The following ABCC8 variants were observed in gnomAD, a reference collection of about 807,000 sequenced individuals.
ABCC8 encodes ATP-binding cassette sub-family C member 8.
Under a neutral mutation model 188.0 loss-of-function variants are expected in ABCC8, and 137 were observed. The ratio of observed to expected loss-of-function variants is 0.73; its 90% CI spans 0.63 to 0.84. The LOEUF (loss-of-function observed/expected upper bound fraction) is 0.84, where lower values mean the gene tolerates loss of function less well. ABCC8 is among the 40% of genes least tolerant of loss of function. ABCC8 has a pLI of 0.00. For missense variants in ABCC8, 1,750 were observed against 2,072.7 expected, an observed-to-expected ratio of 0.84 and a Z score of 3.02; for synonymous variants, 797 against 846.5, an observed-to-expected ratio of 0.94 and a Z score of 1.01.
intron 8 of ABCC8, 98 bp from the exon 9 acceptor site, chr11:17,443,410 A>G: frequency 1.3e-6 from 2 of 1,596,808 alleles, no homozygotes; most frequent in Non-Finnish European, 1.7e-6. Flanking sequence ...CTAGAGTGGG[A>G]CAAGCCTTGG....
In ABCC8 at chr11:17,463,524, A is replaced by G; in HGVS notation, c.493T>C (p.Ser165Pro). The G allele has an allele frequency of 6.3e-7, 1 of 1,599,880 alleles. No individual in the cohort carries two copies. ...CCTGTGAGGCAGAAGCGTAGCTGCG[A>G]GAAGCCGATGGCGTGGTCCAAGAAC... Reference protein sequence around the residue: ...VKFLDHAIGFSQLRFCLTGLL... With the variant: ...VKFLDHAIGFPQLRFCLTGLL... The change falls in exon 4 of 39, where the codon TCG becomes CCG. Residue 165 changes from serine to proline, a missense_variant. Physicochemically the swap from Ser to Pro is moderately conservative, Grantham distance 74. Coordinates refer to ENST00000389817, the MANE Select transcript of ABCC8 (RefSeq NM_000352.6).
intron 1 of ABCC8, among the ~76,000 whole-genome samples, chr11:17,475,413 G>GT (rs957987799): frequency 1.3e-5 from 2 of 152,130 alleles, no homozygotes; most frequent in African/African-American, 4.8e-5. Flanking sequence ...AAGGGCGGGG[G>GT]GGGTCTCACT....
At chr11:17,429,059 C>A in intron 12 of ABCC8, 1 of 272,312 alleles carries the variant, frequency 3.7e-6, no homozygotes. Flanking sequence ...AAATGCCAGA[C>A]ACTGTGTTAA....
rs774571511 is a variant in ABCC8 at position 17,406,604 on chromosome 11, G to A, written c.3329+18C>T. 1 of 1,609,338 alleles carries A rather than the reference G, an allele frequency of 6.2e-7. No individual in the cohort carries two copies. Among genetic ancestry groups the A allele is most frequent in the South Asian group, 1.1e-5 (1 of 90,756 alleles). ...GTGACTTGCTCACAGTCCCAGCCTG[G>A]CCAGGGGAGACGGGTACCTCATGGG... On this transcript the variant is annotated intron_variant, in intron 26 of 38. Transcript: ENST00000389817.
intron 3 of ABCC8, among the ~76,000 whole-genome samples, chr11:17,468,416 C>T (rs1848287895): frequency 6.6e-6 from 1 of 152,148 alleles, no homozygotes; most frequent in Non-Finnish European, 1.5e-5. Flanking sequence ...CAGGCTGAAC[C>T]CCAACACAGA....
intron 24 of ABCC8, 66 bp from the exon 25 acceptor site, chr11:17,407,195 T>C: frequency 1.2e-6 from 2 of 1,600,602 alleles, no homozygotes; most frequent in Non-Finnish European, 1.7e-6. Context: ...AATCAGGGCA[T>C]TTTATCCCCA....
At position 17,443,382 on chromosome 11, in the gene ABCC8, C is replaced by T. The variant is rs867781158; in HGVS notation, c.1333-70G>A. The T allele has an allele frequency of 3.1e-6, 5 of 1,610,482 alleles. No individual in the cohort carries two copies. In the East Asian group the frequency reaches 8.9e-5, roughly 29 times the overall value. ...CCCTGCCAGGAGGTGCTGGCAAAAT[C>T]CCTGTTTCCCCAGTCCCCTAGAGTG... On this transcript the variant is annotated intron_variant, in intron 8 of 38. Transcript: ENST00000389817.
At chr11:17,394,119 C>G (rs180817459) in intron 37 of ABCC8, 147 bp downstream of exon 37, 10 of 1,082,104 alleles carry the variant, frequency 9.2e-6, no homozygotes, top group East Asian at 7.2e-5. Context: ...GAGTCAGGGT[C>G]CCCCCAGCTC....
rs777093516 is a variant in ABCC8 at position 17,476,613 on chromosome 11, C to T, written c.148+16G>A. 12 of 1,609,218 alleles carry T rather than the reference C, an allele frequency of 7.5e-6. No homozygotes were observed. The highest frequency in any genetic ancestry group is 5.0e-5 in the Admixed American group (3 of 59,700). The stretch of plus-strand genomic sequence containing the variant: ...CTCTCCCGTCCCCTCCTCCGCGGCT[C>T]GCTGCGCGCACTCACCAATGAAGAG... On this transcript the variant is annotated intron_variant, in intron 1 of 38. Coordinates refer to ENST00000389817, the MANE Select transcript of ABCC8 (RefSeq NM_000352.6).
chr11:17,403,155 AG>A (rs1015847455), intron 28 of ABCC8, among the ~76,000 whole-genome samples: 2 of 152,094 alleles, frequency 1.3e-5, no homozygotes, highest in African/African-American at 4.8e-5. Context: ...CCAAACTCAA[AG>A]CGTTCAACCC....
chr11:17,398,469 G>C, intron 29 of ABCC8, 28 bp from the exon 30 acceptor site: 12 of 1,613,416 alleles, frequency 7.4e-6, no homozygotes, highest in Non-Finnish European at 1.0e-5. Context: ...AGCTCCTAAG[G>C]GAACAGTGTT....
In ABCC8 at chr11:17,404,824, T is replaced by TA; in HGVS notation, c.3400-156dup. 1 of 723,780 alleles carries TA rather than the reference T, an allele frequency of 1.4e-6. No homozygotes were observed. The highest frequency in any genetic ancestry group is 1.7e-6 in the Non-Finnish European group (1 of 591,298). The allele number at this position is 723,780 out of a possible 1,614,324, so 44.8% of individuals were successfully genotyped here. A position where few individuals can be genotyped will look rare whatever the true frequency, so the allele number is the denominator to read the frequency against. ...TTGCCCAGACTTGAGTGCAGCAGCG[T>TA]AATCTCGGTTCACGGCAGCCTCTGC... On this transcript the variant is annotated intron_variant, in intron 27 of 38. Coordinates refer to ENST00000389817, the MANE Select transcript of ABCC8 (RefSeq NM_000352.6). The surrounding 1 kb of genome is among the most constrained non-coding windows in gnomAD (Gnocchi z 4.7).
intron 23 of ABCC8, 94 bp downstream of exon 23, chr11:17,408,298 G>A (rs955440183): frequency 7.2e-6 from 9 of 1,246,018 alleles, no homozygotes; most frequent in South Asian, 2.5e-5. Flanking sequence ...GGGCTTCCTG[G>A]GGCACTAAGG....
intron 3 of ABCC8, among the ~76,000 whole-genome samples, chr11:17,464,747 A>T (rs753900220): frequency 2.0e-5 from 3 of 152,160 alleles, no homozygotes; most frequent in Admixed American, 6.5e-5. Context: ...CCAACAACCA[A>T]AACCAGCAAT....
chr11:17,422,010 C>T (rs755141734), intron 16 of ABCC8, among the ~76,000 whole-genome samples: 10 of 152,338 alleles, frequency 6.6e-5, no homozygotes, highest in Non-Finnish European at 4.4e-5. Flanking sequence ...TGGCTGCAGG[C>T]GTGCAGACTT....
intron 17 of ABCC8, among the ~76,000 whole-genome samples, chr11:17,415,893 T>G (rs1207120497): frequency 6.6e-6 from 1 of 152,086 alleles, no homozygotes; most frequent in African/African-American, 2.4e-5. Flanking sequence ...CCACGGAATG[T>G]GGGGGATCTG....
intron 12 of ABCC8, chr11:17,430,300 G>C (rs1306337458): frequency 4.9e-6 from 1 of 205,772 alleles, no homozygotes; most frequent in African/African-American, 2.3e-5. Context: ...TCCAAGAGCT[G>C]TGGGCCAATC....
chr11:17,445,846 G>A (rs1956504068), intron 8 of ABCC8, among the ~76,000 whole-genome samples: 1 of 152,220 alleles, frequency 6.6e-6, no homozygotes, highest in Non-Finnish European at 1.5e-5. Flanking sequence ...GACAGGGCCA[G>A]GCATAGGGCA....
At chr11:17,413,326 T>C in intron 20 of ABCC8, 68 bp downstream of exon 20, 1 of 1,584,474 alleles carries the variant, frequency 6.3e-7, no homozygotes, top group South Asian at 1.1e-5. Context: ...TTGTCCTGAG[T>C]AGTGTCTCAG....
Sources: allele counts gnomAD v4.1 joint callset (sites outside exome capture counted in the v4.1 genomes callset), GRCh38; gene constraint gnomAD v4.1.1; non-coding constraint Gnocchi (gnomAD v3.1); transcripts MANE v1.5; gene names NCBI Gene and HGNC (gene_info 2026-07-23, HGNC 2026-07-21).